CHPT1: variants seen among roughly 807,000 people sequenced by gnomAD.
CHPT1 encodes the protein cholinephosphotransferase 1.
A neutral mutation model predicts 47.6 loss-of-function variants in CHPT1; 36 were observed. That is an observed-to-expected ratio of 0.76 (90% CI 0.58 to 1.00). The LOEUF (loss-of-function observed/expected upper bound fraction) is 1.00, where lower values mean the gene tolerates loss of function less well. CHPT1 is among the 50% of genes least tolerant of loss of function. The pLI, the probability that CHPT1 is intolerant of heterozygous loss-of-function variation, is 0.00. For missense variants in CHPT1, 458 were observed against 498.1 expected, an observed-to-expected ratio of 0.92 and a Z score of 0.77; for synonymous variants, 194 against 186.3, an observed-to-expected ratio of 1.04 and a Z score of -0.33.
At chr12:101,712,284 G>A (rs1322187957) in intron 1 of CHPT1, among the ~76,000 whole-genome samples, 4 of 148,626 alleles carry the variant, frequency 2.7e-5, no homozygotes, top group Non-Finnish European at 6.0e-5. Flanking sequence ...GCCTCCCAAA[G>A]TGCTAGGATT....
At chr12:101,724,741 C>T (rs1409193650) in intron 7 of CHPT1, among the ~76,000 whole-genome samples, 5 of 133,272 alleles carry the variant, frequency 3.8e-5, no homozygotes, top group Admixed American at 1.5e-4. Context: ...CTTAAGGAAA[C>T]GACGTGGATG....
chr12:101,721,212 C>T (rs1045934392), intron 5 of CHPT1, among the ~76,000 whole-genome samples: 1 of 151,986 alleles, frequency 6.6e-6, no homozygotes, highest in Non-Finnish European at 1.5e-5. Context: ...TTGCTTGAAC[C>T]AGGAGGCGGC....
chr12:101,709,120 G>A (rs1566037213), intron 1 of CHPT1, among the ~76,000 whole-genome samples: 1 of 148,694 alleles, frequency 6.7e-6, no homozygotes, highest in East Asian at 2.0e-4. Flanking sequence ...TTCTGGCTAG[G>A]CACGGTGGCA....
chr12:101,702,136 T>G (rs190807234), intron 1 of CHPT1, among the ~76,000 whole-genome samples: 10 of 152,354 alleles, frequency 6.6e-5, no homozygotes, highest in Non-Finnish European at 8.8e-5. Flanking sequence ...CCTACATTTA[T>G]ATATGTGATA....
chr12:101,714,474 T>G, intron 2 of CHPT1, 30 bp from the exon 3 acceptor site: 1 of 1,563,274 alleles, frequency 6.4e-7, no homozygotes, highest in Non-Finnish European at 8.7e-7. Context: ...TTTTTAATTC[T>G]TAATGATTCT....
At chr12:101,710,494 CTT>C (rs1951690775) in intron 1 of CHPT1, among the ~76,000 whole-genome samples, 1 of 149,034 alleles carries the variant, frequency 6.7e-6, no homozygotes, top group Non-Finnish European at 1.5e-5. Flanking sequence ...CAGTCAGAAA[CTT>C]TGGTTTCTGC....
intron 5 of CHPT1, 56 bp from the exon 6 acceptor site, chr12:101,723,112 C>T (rs561979204): frequency 6.8e-7 from 1 of 1,479,378 alleles, no homozygotes; most frequent in East Asian, 2.3e-5. Flanking sequence ...AAAATGTCTA[C>T]ATTGTAATAA....
intron 1 of CHPT1, among the ~76,000 whole-genome samples, chr12:101,713,556 A>G (rs73392410): frequency 0.013 from 1,964 of 152,260 alleles, 44 homozygotes; most frequent in African/African-American, 0.044. Context: ...CGCAGGGCTC[A>G]TCTCATTTGT....
chr12:101,724,723 A>T (rs1405476619), intron 7 of CHPT1, among the ~76,000 whole-genome samples: 1 of 151,674 alleles, frequency 6.6e-6, no homozygotes, highest in Non-Finnish European at 1.5e-5. Flanking sequence ...CGCTTTGATT[A>T]TATCCTGCTT....
At chr12:101,699,545 G>C (rs913609127) in intron 1 of CHPT1, among the ~76,000 whole-genome samples, 1 of 151,738 alleles carries the variant, frequency 6.6e-6, no homozygotes, top group East Asian at 1.9e-4. Context: ...CTGCCACCAC[G>C]CCCGGCTAAT....
At position 101,726,276 on chromosome 12, in the gene CHPT1, T is replaced by TC. The variant is rs1210926991; in HGVS notation, c.1066-17dup. 5.3e-6 allele frequency: 8 copies of TC among 1,523,058 alleles called. No homozygotes were observed. Among genetic ancestry groups the TC allele is most frequent in the Non-Finnish European group, 7.3e-6 (8 of 1,100,762 alleles). The allele number at this position is 1,523,058 out of a possible 1,614,324, so 94.3% of individuals were successfully genotyped here. A position where few individuals can be genotyped will look rare whatever the true frequency, so the allele number is the denominator to read the frequency against. The stretch of plus-strand genomic sequence containing the variant: ...ATAGATCATAATCGATTTTATATTT[T>TC]CTTTTTTGCTTCTAAAGGTGATTTC... On this transcript the variant is annotated splice_polypyrimidine_tract_variant and intron_variant, in intron 7 of 8. Coordinates refer to ENST00000229266, the MANE Select transcript of CHPT1 (RefSeq NM_020244.3).
chr12:101,700,256 A>T (rs1951533478), intron 1 of CHPT1, among the ~76,000 whole-genome samples: 2 of 151,120 alleles, frequency 1.3e-5, no homozygotes, highest in Non-Finnish European at 1.5e-5. Flanking sequence ...CTGCCTAGGG[A>T]AGTAAAGGGA....
At chr12:101,703,686 C>T (rs1457266746) in intron 1 of CHPT1, among the ~76,000 whole-genome samples, 1 of 152,072 alleles carries the variant, frequency 6.6e-6, no homozygotes, top group Non-Finnish European at 1.5e-5. Context: ...TGGGAACCCT[C>T]CCTCCGTAAA....
chr12:101,711,901 G>C (rs1247884636), intron 1 of CHPT1, among the ~76,000 whole-genome samples: 1 of 148,734 alleles, frequency 6.7e-6, no homozygotes, highest in Non-Finnish European at 1.5e-5. Flanking sequence ...GGTGGGATGT[G>C]TTGTTTTTCA....
intron 1 of CHPT1, among the ~76,000 whole-genome samples, chr12:101,698,352 G>C (rs973964937): frequency 2.0e-5 from 3 of 152,200 alleles, no homozygotes; most frequent in Non-Finnish European, 4.4e-5. Flanking sequence ...CCTGGGCAGC[G>C]GAGGGGCTGT....
At chr12:101,726,802 A>G (rs1270969118) in intron 8 of CHPT1, 2 of 220,960 alleles carry the variant, frequency 9.1e-6, no homozygotes, top group Non-Finnish European at 8.8e-6. Context: ...GAGGGTGCTT[A>G]CTTTGACTGC....
intron 1 of CHPT1, among the ~76,000 whole-genome samples, chr12:101,704,457 A>G (rs1168412009): frequency 6.8e-6 from 1 of 148,100 alleles, no homozygotes; most frequent in African/African-American, 2.5e-5. Context: ...GCTGGAGTGC[A>G]GTGGTGCAAC....
chr12:101,703,873 C>T (rs1285044983), intron 1 of CHPT1, among the ~76,000 whole-genome samples: 8 of 151,950 alleles, frequency 5.3e-5, no homozygotes, highest in Admixed American at 2.0e-4. Flanking sequence ...TTTTAAAAAT[C>T]GTAGAATCTC....
chr12:101,723,917 G>T, intron 7 of CHPT1, 70 bp downstream of exon 7: 1 of 1,194,418 alleles, frequency 8.4e-7, no homozygotes, highest in Non-Finnish European at 1.2e-6. Flanking sequence ...GCTATCAGTA[G>T]CCTCAAGATC....
Sources: gnomAD v4.1 joint callset for allele counts (sites outside exome capture counted in the v4.1 genomes callset) on GRCh38, gnomAD v4.1.1 for gene constraint, MANE v1.5 for transcripts, NCBI Gene and HGNC (gene_info 2026-07-23, HGNC 2026-07-21) for gene names.